The following LINC00632 variants were observed in gnomAD, a reference collection of about 807,000 sequenced individuals.
LINC00632 encodes the protein ALDOA related specific transcript.
chrX:140,785,641 T>C (rs1482282498), exon 5 of LINC00632, among the ~76,000 whole-genome samples: 1 of 112,231 alleles, frequency 8.9e-6, no homozygotes, highest in Non-Finnish European at 1.9e-5. Flanking sequence ...GCTACTACCA[T>C]TCCCTTGGAC....
intron 3 of LINC00632, among the ~76,000 whole-genome samples, chrX:140,771,683 A>ATTTTTT (rs1286518719): frequency 1.7e-5 from 1 of 59,035 alleles, no homozygotes; most frequent in East Asian, 4.5e-4. Context: ...ATATATATAT[A>ATTTTTT]TATTTTTTTT....
chrX:140,757,732 A>G (rs1569353944), intron 3 of LINC00632, among the ~76,000 whole-genome samples: 1 of 110,470 alleles, frequency 9.1e-6, no homozygotes, highest in Non-Finnish European at 1.9e-5. Context: ...ACGTCCAGCT[A>G]ATTTTTGTAT....
At chrX:140,755,639 G>A (rs966168897) in intron 3 of LINC00632, among the ~76,000 whole-genome samples, 3 of 112,229 alleles carry the variant, frequency 2.7e-5, no homozygotes, top group African/African-American at 9.7e-5. Context: ...TCTTGTGAAA[G>A]TATATGCTTA....
At chrX:140,714,414 G>A (rs923330494) in intron 2 of LINC00632, 1 of 113,479 alleles carries the variant, frequency 8.8e-6, no homozygotes, top group Non-Finnish European at 1.8e-5. Context: ...GACATGCAAC[G>A]GTACATCTTA....
chrX:140,750,231 G>C (rs2148392678), intron 3 of LINC00632, among the ~76,000 whole-genome samples: 1 of 110,900 alleles, frequency 9.0e-6, no homozygotes, highest in East Asian at 2.9e-4. Flanking sequence ...ACTCATGGGA[G>C]CAGAGAGTAG....
Position 140,729,169 on chromosome X carries a change from T to C in LINC00632, n.105-4709T>C, listed in dbSNP as rs993124583. ...TAGCACACAGAGCGGTCCTATAGTATTATACAAACACAACCTTCGCCTGCA... is the reference window on the plus strand; with the variant it reads ...TAGCACACAGAGCGGTCCTATAGTACTATACAAACACAACCTTCGCCTGCA... On this transcript the variant is annotated intron_variant and non_coding_transcript_variant, in intron 2 of 4. Transcript: ENST00000648200. 5.1e-4 allele frequency among the ~76,000 whole-genome samples: 56 copies of C among 110,827 alleles called. 1 individual carries two copies. Among genetic ancestry groups the C allele is most frequent in the African/African-American group, 1.5e-3 (47 of 30,378 alleles).
intron 2 of LINC00632, among the ~76,000 whole-genome samples, chrX:140,722,102 C>T (rs760257192): frequency 9.0e-6 from 1 of 111,463 alleles, no homozygotes; most frequent in Non-Finnish European, 1.9e-5. Context: ...AGACTTTCCA[C>T]ACAGCACATA....
chrX:140,711,218 TGTA>T (rs1376166977), intron 1 of LINC00632, among the ~76,000 whole-genome samples: 4 of 111,479 alleles, frequency 3.6e-5, no homozygotes, highest in South Asian at 3.8e-4. Flanking sequence ...TCATAGTCAT[TGTA>T]GTAAATTTTG....
chrX:140,747,952 C>T lies in LINC00632; in HGVS notation n.191+13988C>T, dbSNP rs773529524. On this transcript the variant is annotated intron_variant and non_coding_transcript_variant, in intron 3 of 4. Coordinates refer to ENST00000648200, the Ensembl canonical transcript of LINC00632. The stretch of plus-strand genomic sequence containing the variant: ...AAGTGATTCTCCTGTCTCAGCCTCC[C>T]GAGTAGCTGGGCTTACAGGCGTGTG... Among the ~76,000 whole-genome samples the T allele has an allele frequency of 4.6e-3, 511 of 111,882 alleles. 1 individual carries two copies. The highest frequency in any genetic ancestry group is 6.8e-3 in the Non-Finnish European group (360 of 53,135).
intron 3 of LINC00632, among the ~76,000 whole-genome samples, chrX:140,741,466 G>C (rs2148388894): frequency 8.9e-6 from 1 of 112,257 alleles, no homozygotes; most frequent in Non-Finnish European, 1.9e-5. Flanking sequence ...CATAGGGTTA[G>C]AGGGTTTGGA....
At chrX:140,762,819 G>A (rs760160813) in intron 3 of LINC00632, among the ~76,000 whole-genome samples, 1 of 111,777 alleles carries the variant, frequency 8.9e-6, no homozygotes, top group African/African-American at 3.2e-5. Flanking sequence ...TATTTTTTGA[G>A]CACTAAAAAA....
intron 2 of LINC00632, among the ~76,000 whole-genome samples, chrX:140,718,934 C>T (rs1930683641): frequency 9.0e-6 from 1 of 111,608 alleles, no homozygotes; most frequent in African/African-American, 3.3e-5. Context: ...ACATTGGCTC[C>T]ACAACACAAG....
chrX:140,743,838 G>A (rs1387597809), intron 3 of LINC00632, among the ~76,000 whole-genome samples: 2 of 111,418 alleles, frequency 1.8e-5, no homozygotes, highest in Non-Finnish European at 3.8e-5. Context: ...TCTTGACCTT[G>A]GAGTTGCTAA....
chrX:140,731,336 G>A (rs185863528), intron 2 of LINC00632, among the ~76,000 whole-genome samples: 1 of 112,065 alleles, frequency 8.9e-6, no homozygotes, highest in African/African-American at 3.2e-5. Flanking sequence ...AGGCAGACTT[G>A]CCTGCTTCCA....
intron 3 of LINC00632, among the ~76,000 whole-genome samples, chrX:140,740,852 A>C (rs1400099054): frequency 8.9e-6 from 1 of 112,272 alleles, no homozygotes; most frequent in African/African-American, 3.2e-5. Flanking sequence ...CTTGCCAGTG[A>C]ACAATTAACT....
At chrX:140,754,692 AT>A (rs201716928) in intron 3 of LINC00632, among the ~76,000 whole-genome samples, 12 of 106,292 alleles carry the variant, frequency 1.1e-4, no homozygotes, top group African/African-American at 3.1e-4. Context: ...CTTCCAGCAG[AT>A]TTTTTTTTTT....
exon 5 of LINC00632, chrX:140,784,529 G>T: frequency 1.7e-6 from 1 of 596,220 alleles, no homozygotes; most frequent in Non-Finnish European, 2.7e-6. Context: ...GCATCTCTGT[G>T]TCTTCCAGCA....
exon 4 of LINC00632, among the ~76,000 whole-genome samples, chrX:140,773,603 T>A (rs1162314992): frequency 8.9e-6 from 1 of 112,235 alleles, no homozygotes; most frequent in Non-Finnish European, 1.9e-5. Flanking sequence ...ACTGAGAAAC[T>A]CTTTTTGAAC....
At chrX:140,791,220 C>G (rs949075619) in exon 5 of LINC00632, among the ~76,000 whole-genome samples, 1 of 111,646 alleles carries the variant, frequency 9.0e-6, no homozygotes, top group African/African-American at 3.3e-5. Flanking sequence ...AGAATGTTAT[C>G]AAGATGCCTC....
Sources: gnomAD v4.1 joint callset for allele counts (sites outside exome capture counted in the v4.1 genomes callset) on GRCh38, gnomAD v4.1.1 for gene constraint, MANE v1.5 for transcripts, NCBI Gene and HGNC (gene_info 2026-07-23, HGNC 2026-07-21) for gene names.